The following LDAH variants were observed in gnomAD, a reference collection of about 807,000 sequenced individuals.
LDAH encodes lipid droplet associated hydrolase.
LDAH carries 26 observed loss-of-function variants against 29.6 expected under a neutral mutation model. That is an observed-to-expected ratio of 0.88 (90% CI 0.64 to 1.22). LDAH has a LOEUF of 1.22. Ranked by LOEUF, LDAH falls within the 50% of genes most tolerant of loss-of-function variation. The pLI is 0.00. For synonymous variants in LDAH, 117 were observed against 133.0 expected (o/e 0.88, Z 0.83); for missense variants, 344 against 387.3 (o/e 0.89, Z 0.94).
At position 20,804,051 on chromosome 2, in the gene LDAH, C is replaced by T. The variant is rs1472501252; in HGVS notation, c.-2-2586G>A. On this transcript the variant is annotated intron_variant, in intron 1 of 6. Transcript: ENST00000237822. ...CACCCCAGGTAAACAAAGGAAATCA[C>T]CTCTTCCTCTAAACTCACAGCATCT... Among the ~76,000 whole-genome samples the T allele has an allele frequency of 2.0e-5, 3 of 152,130 alleles. No individual in the cohort carries two copies. In the East Asian group the frequency reaches 5.8e-4, roughly 29 times the overall value.
intron 3 of LDAH, among the ~76,000 whole-genome samples, chr2:20,782,873 A>C (rs1250007127): frequency 1.3e-5 from 2 of 151,752 alleles, no homozygotes; most frequent in African/African-American, 4.8e-5. Flanking sequence ...TTTAGGCTTA[A>C]ATTGTTCTTT....
At chr2:20,801,087 A>AAC (rs59015178) in intron 2 of LDAH, among the ~76,000 whole-genome samples, 15,008 of 148,692 alleles carry the variant, frequency 0.1, 2,232 homozygotes, top group African/African-American at 0.33. Context: ...CTGTGACACA[A>AAC]ACACACACAC....
chr2:20,711,287 C>T, intron 5 of LDAH, among the ~76,000 whole-genome samples: 1 of 151,556 alleles, frequency 6.6e-6, no homozygotes, highest in East Asian at 1.9e-4. Context: ...ACTCGGGAGG[C>T]TGAGGCAGAA....
At chr2:20,742,394 T>A (rs1339142519) in intron 4 of LDAH, among the ~76,000 whole-genome samples, 1 of 152,208 alleles carries the variant, frequency 6.6e-6, no homozygotes, top group Non-Finnish European at 1.5e-5. Context: ...GATAAAGGGG[T>A]GTTGAAATCT....
intron 5 of LDAH, among the ~76,000 whole-genome samples, chr2:20,733,594 G>C (rs983544365): frequency 1.3e-5 from 2 of 151,696 alleles, no homozygotes; most frequent in African/African-American, 2.4e-5. Context: ...AGTAGAGATG[G>C]GGTTTCATCA....
intron 2 of LDAH, among the ~76,000 whole-genome samples, chr2:20,800,900 G>A (rs1192532486): frequency 6.6e-6 from 1 of 152,088 alleles, no homozygotes; most frequent in African/African-American, 2.4e-5. Flanking sequence ...CCAAAGTGCT[G>A]GGATTATAGG....
At chr2:20,702,125 G>GGA (rs1663990623) in intron 5 of LDAH, among the ~76,000 whole-genome samples, 1 of 151,948 alleles carries the variant, frequency 6.6e-6, no homozygotes, top group Admixed American at 6.6e-5. Context: ...AAGTTCTCCA[G>GGA]GAGTTTTCAA....
chr2:20,807,907 A>G (rs1672186927), intron 1 of LDAH, among the ~76,000 whole-genome samples: 1 of 151,290 alleles, frequency 6.6e-6, no homozygotes, highest in Non-Finnish European at 1.5e-5. Context: ...GTGATTATTC[A>G]CAAACATGAT....
chr2:20,696,344 T>C (rs530375706), intron 6 of LDAH, among the ~76,000 whole-genome samples: 1 of 151,874 alleles, frequency 6.6e-6, no homozygotes, highest in Admixed American at 6.5e-5. Context: ...AGCAGAGGAG[T>C]TCCTGTTCTT....
chr2:20,748,865 A>G (rs1475673084), intron 4 of LDAH, among the ~76,000 whole-genome samples: 2 of 152,180 alleles, frequency 1.3e-5, no homozygotes, highest in Non-Finnish European at 2.9e-5. Flanking sequence ...ACTTGGCATA[A>G]AGTTGGAGCT....
chr2:20,708,377 C>T (rs62123968), intron 5 of LDAH, among the ~76,000 whole-genome samples: 5,834 of 152,168 alleles, frequency 0.038, 210 homozygotes, highest in East Asian at 0.13. Context: ...AGTATCAAAC[C>T]GTCTCCAAAT....
At chr2:20,699,024 T>C (rs2576802) in intron 6 of LDAH, among the ~76,000 whole-genome samples, 150,811 of 152,344 alleles carry the variant, frequency 0.99, 74,658 homozygotes, top group Middle Eastern at 1. Flanking sequence ...AGAAGTAGAA[T>C]GCTGTCTGCA....
At chr2:20,736,684 C>T (rs1367915959) in intron 5 of LDAH, among the ~76,000 whole-genome samples, 1 of 152,048 alleles carries the variant, frequency 6.6e-6, no homozygotes, top group African/African-American at 2.4e-5. Context: ...TGGGTGTTTT[C>T]CTCTCTGTAC....
At chr2:20,708,091 G>A (rs1664443621) in intron 5 of LDAH, among the ~76,000 whole-genome samples, 1 of 152,002 alleles carries the variant, frequency 6.6e-6, no homozygotes, top group African/African-American at 2.4e-5. Context: ...TCTACATTAT[G>A]GTGAGTTGTA....
At chr2:20,707,504 G>C (rs1430845044) in intron 5 of LDAH, among the ~76,000 whole-genome samples, 1 of 152,220 alleles carries the variant, frequency 6.6e-6, no homozygotes, top group Admixed American at 6.5e-5. Context: ...GGAGATAGAG[G>C]TGATAGTTTG....
chr2:20,822,780 C>A (rs1388679271), intron 1 of LDAH, among the ~76,000 whole-genome samples: 1 of 152,188 alleles, frequency 6.6e-6, no homozygotes, highest in Non-Finnish European at 1.5e-5. Flanking sequence ...GTGGGCTACA[C>A]TTAGGGGTTC....
intron 5 of LDAH, among the ~76,000 whole-genome samples, chr2:20,726,555 C>A (rs1302114237): frequency 6.6e-6 from 1 of 152,166 alleles, no homozygotes; most frequent in African/African-American, 2.4e-5. Context: ...AAACCTTCTT[C>A]CAAGGGAAAA....
chr2:20,816,333 C>A (rs1672846929), intron 1 of LDAH, among the ~76,000 whole-genome samples: 1 of 152,012 alleles, frequency 6.6e-6, no homozygotes, highest in African/African-American at 2.4e-5. Flanking sequence ...CAGAGATTGG[C>A]AGAGAAGTTT....
At chr2:20,706,866 G>C (rs369976918) in intron 5 of LDAH, among the ~76,000 whole-genome samples, 4 of 152,222 alleles carry the variant, frequency 2.6e-5, no homozygotes, top group African/African-American at 9.6e-5. Flanking sequence ...TACAGTGCAA[G>C]AAGGAGAAGT....
Sources: gnomAD v4.1 joint callset for allele counts (sites outside exome capture counted in the v4.1 genomes callset) on GRCh38, gnomAD v4.1.1 for gene constraint, MANE v1.5 for transcripts, NCBI Gene and HGNC (gene_info 2026-07-23, HGNC 2026-07-21) for gene names.